The following CDKAL1 variants were observed in gnomAD, a reference collection of about 807,000 sequenced individuals.
CDKAL1 encodes the protein CDKAL1 threonylcarbamoyladenosine tRNA methylthiotransferase.
CDKAL1 carries 32 observed loss-of-function variants against 68.2 expected under a neutral mutation model. The observed-to-expected ratio is 0.47, with a 90% CI of 0.35 to 0.63. The LOEUF (loss-of-function observed/expected upper bound fraction) is 0.63. CDKAL1 is among the 30% of genes least tolerant of loss of function. The pLI is 0.00. For synonymous variants in CDKAL1, 234 were observed against 244.3 expected (o/e 0.96, Z 0.39); for missense variants, 606 against 696.7 (o/e 0.87, Z 1.47).
chr6:20,534,717 G>C (rs1461917565), intron 1 of CDKAL1, 143 bp downstream of exon 1: 1 of 152,246 alleles, frequency 6.6e-6, no homozygotes, highest in Non-Finnish European at 1.5e-5. Context: ...CAGCTGGGAT[G>C]GGGGAATTGG....
chr6:21,094,770 T>TA (rs1773233758), intron 12 of CDKAL1, among the ~76,000 whole-genome samples: 1 of 152,228 alleles, frequency 6.6e-6, no homozygotes, highest in African/African-American at 2.4e-5. Flanking sequence ...ACAGAGCAGA[T>TA]ACGCAAATCT....
intron 4 of CDKAL1, among the ~76,000 whole-genome samples, chr6:20,559,832 C>T (rs1764198936): frequency 6.6e-6 from 1 of 152,144 alleles, no homozygotes; most frequent in African/African-American, 2.4e-5. Context: ...TAATAATTCA[C>T]ATCAGGCTTA....
chr6:20,773,373 T>A (rs1162939234), intron 7 of CDKAL1, among the ~76,000 whole-genome samples: 4 of 152,168 alleles, frequency 2.6e-5, no homozygotes, highest in Non-Finnish European at 4.4e-5. Context: ...TTCTTTGTAA[T>A]TGAGTAGTTA....
At chr6:20,665,925 T>C (rs2127775290) in intron 5 of CDKAL1, among the ~76,000 whole-genome samples, 1 of 150,054 alleles carries the variant, frequency 6.7e-6, no homozygotes, top group Non-Finnish European at 1.5e-5. Flanking sequence ...CACCTCTGAC[T>C]TCGGCCTGCT....
intron 15 of CDKAL1, among the ~76,000 whole-genome samples, chr6:21,203,106 A>G (rs1011610658): frequency 6.6e-6 from 1 of 151,278 alleles, no homozygotes. Context: ...CTGGAGTGCA[A>G]TGGTGTGATC....
intron 9 of CDKAL1, among the ~76,000 whole-genome samples, chr6:20,858,110 C>T (rs1433004267): frequency 6.6e-6 from 1 of 152,148 alleles, no homozygotes; most frequent in Non-Finnish European, 1.5e-5. Flanking sequence ...CTGCCCACCT[C>T]GGCCTCCCAA....
intron 6 of CDKAL1, among the ~76,000 whole-genome samples, chr6:20,750,001 T>C (rs2150338069): frequency 6.6e-6 from 1 of 152,204 alleles, no homozygotes; most frequent in East Asian, 1.9e-4. Context: ...CCACCACACC[T>C]GGCCCCAGAT....
intron 8 of CDKAL1, among the ~76,000 whole-genome samples, chr6:20,782,314 C>T (rs1483490461): frequency 6.6e-6 from 1 of 152,182 alleles, no homozygotes; most frequent in Non-Finnish European, 1.5e-5. Context: ...AGCATCTGGC[C>T]TTCAGCGTTG....
At chr6:21,036,741 G>A (rs1306524912) in intron 11 of CDKAL1, among the ~76,000 whole-genome samples, 2 of 152,242 alleles carry the variant, frequency 1.3e-5, no homozygotes, top group Admixed American at 1.3e-4. Context: ...GTTAATCTGT[G>A]CAAACTATTC....
Position 21,003,722 on chromosome 6 carries a change from A to G in CDKAL1, c.1055+3350A>G, listed in dbSNP as rs569537276. 1.4e-4 allele frequency among the ~76,000 whole-genome samples: 22 copies of G among 152,306 alleles called. 1 individual carries two copies. The East Asian group carries it at 4.2e-3, about 29-fold the overall frequency. Reference sequence around the variant, plus strand: ...AAGTTTCAGGGCTTTCTTTAGAGCCACTAGCCTGGATAACTGATCCAGCAC... The same window carrying G: ...AAGTTTCAGGGCTTTCTTTAGAGCCGCTAGCCTGGATAACTGATCCAGCAC... On this transcript the variant is annotated intron_variant, in intron 11 of 15. Transcript: ENST00000274695.
chr6:20,670,661 T>G (rs1769769815), intron 5 of CDKAL1, among the ~76,000 whole-genome samples: 1 of 152,206 alleles, frequency 6.6e-6, no homozygotes, highest in Non-Finnish European at 1.5e-5. Context: ...TATTCAATTA[T>G]TTATGTCAGT....
chr6:21,155,358 G>A (rs1776596708), intron 13 of CDKAL1, among the ~76,000 whole-genome samples: 1 of 152,140 alleles, frequency 6.6e-6, no homozygotes, highest in Admixed American at 6.6e-5. Flanking sequence ...GTACAATTGG[G>A]AGGAGACTTT....
chr6:20,568,009 G>A (rs1764530173), intron 4 of CDKAL1, among the ~76,000 whole-genome samples: 1 of 152,032 alleles, frequency 6.6e-6, no homozygotes, highest in African/African-American at 2.4e-5. Context: ...CTAAGTAGCT[G>A]GGACCACAGG....
intron 9 of CDKAL1, among the ~76,000 whole-genome samples, chr6:20,922,845 A>C (rs1763019380): frequency 6.6e-6 from 1 of 152,246 alleles, no homozygotes; most frequent in African/African-American, 2.4e-5. Context: ...CAAATGATTT[A>C]TAATTTAAAC....
chr6:21,041,372 T>TGTCCTAACTAGTATGGAATCTCATGC (rs1769914995), intron 11 of CDKAL1, among the ~76,000 whole-genome samples: 3 of 152,212 alleles, frequency 2.0e-5, no homozygotes, highest in African/African-American at 7.2e-5. Flanking sequence ...TGTTAGCAGG[T>TGTCCTAACTAGTATGGAATCTCATGC]GTCCTAACTA....
chr6:20,638,501 T>C (rs1486607851), intron 4 of CDKAL1, among the ~76,000 whole-genome samples: 1 of 152,200 alleles, frequency 6.6e-6, no homozygotes, highest in Non-Finnish European at 1.5e-5. Context: ...AGTTTTGGAT[T>C]GGGGCATGGT....
chr6:20,869,509 A>T (rs1222411820), intron 9 of CDKAL1, among the ~76,000 whole-genome samples: 1 of 152,198 alleles, frequency 6.6e-6, no homozygotes, highest in Non-Finnish European at 1.5e-5. Context: ...CTTGTTTATT[A>T]GTGAAGCTTC....
chr6:21,098,127 G>A (rs777304717), intron 12 of CDKAL1, among the ~76,000 whole-genome samples: 3 of 152,188 alleles, frequency 2.0e-5, no homozygotes, highest in Non-Finnish European at 4.4e-5. Context: ...TGTGTCGAAT[G>A]AATATGTCAT....
intron 13 of CDKAL1, among the ~76,000 whole-genome samples, chr6:21,112,480 T>C (rs1167946044): frequency 6.6e-6 from 1 of 152,250 alleles, no homozygotes; most frequent in East Asian, 1.9e-4. Flanking sequence ...TTTTGTGAAG[T>C]GGGCTTCTTG....
Sources: allele counts gnomAD v4.1 joint callset (sites outside exome capture counted in the v4.1 genomes callset), GRCh38; gene constraint gnomAD v4.1.1; transcripts MANE v1.5; gene names NCBI Gene and HGNC (gene_info 2026-07-23, HGNC 2026-07-21).